Variants in TMEM132D observed in about 807,000 individuals in gnomAD.
The protein encoded by TMEM132D is transmembrane protein 132D, also known as mature OL transmembrane protein.
In TMEM132D, 21 loss-of-function variants were observed where a neutral mutation model predicts 62.3. That is an observed-to-expected ratio of 0.34 (90% CI 0.24 to 0.49). The LOEUF (loss-of-function observed/expected upper bound fraction) is 0.49, where lower values mean the gene tolerates loss of function less well. Among genes scored for constraint, TMEM132D ranks in the 20% least tolerant of loss-of-function variants. The pLI is 0.99. For synonymous variants in TMEM132D, 621 were observed against 575.6 expected (o/e 1.08, Z -1.13); for missense variants, 1,346 against 1,402.8 (o/e 0.96, Z 0.65).
chr12:129,592,625 C>A (rs1012770080), intron 2 of TMEM132D, among the ~76,000 whole-genome samples: 1 of 152,122 alleles, frequency 6.6e-6, no homozygotes, highest in Non-Finnish European at 1.5e-5. Flanking sequence ...GTACATGTGC[C>A]CAATAAAATT....
Position 129,347,058 on chromosome 12 carries a change from G to A in TMEM132D, c.1116-9241C>T, listed in dbSNP as rs185847575. ...AACTACTGCACAAGGAAATAAGAGA[G>A]GACACAAACAAATGGAAAAACATTC... On this transcript the variant is annotated intron_variant, in intron 3 of 8. Coordinates refer to ENST00000422113, the MANE Select transcript of TMEM132D (RefSeq NM_133448.3). Among the ~76,000 whole-genome samples, 343 of 152,162 alleles carry A rather than the reference G, an allele frequency of 2.3e-3. 2 individuals carry two copies. Among genetic ancestry groups the A allele is most frequent in the South Asian group, 0.014 (67 of 4,816 alleles).
At chr12:129,341,410 CT>C (rs1407302596) in intron 3 of TMEM132D, among the ~76,000 whole-genome samples, 2 of 152,114 alleles carry the variant, frequency 1.3e-5, no homozygotes, top group African/African-American at 4.8e-5. Flanking sequence ...CCTGGAGGAA[CT>C]TTACAAATAA....
chr12:129,620,794 G>A lies in TMEM132D; in HGVS notation c.968+79016C>T, dbSNP rs189220346. The stretch of plus-strand genomic sequence containing the variant: ...GATGAGAACAGATGGACACATGGGG[G>A]AGAAAAACACACACTGGGGCCCTCT... On this transcript the variant is annotated intron_variant, in intron 2 of 8. Coordinates refer to ENST00000422113, the MANE Select transcript of TMEM132D (RefSeq NM_133448.3). 4.8e-3 allele frequency among the ~76,000 whole-genome samples: 729 copies of A among 152,028 alleles called. 2 individuals carry two copies. Among genetic ancestry groups the A allele is most frequent in the Non-Finnish European group, 7.3e-3 (496 of 68,024 alleles).
chr12:129,652,660 T>C (rs1190751268), intron 2 of TMEM132D, among the ~76,000 whole-genome samples: 1 of 152,170 alleles, frequency 6.6e-6, no homozygotes, highest in Non-Finnish European at 1.5e-5. Context: ...GAATGCAAAC[T>C]CTTCCCTAGA....
chr12:129,715,417 G>A (rs184256342), intron 1 of TMEM132D, among the ~76,000 whole-genome samples: 1 of 152,328 alleles, frequency 6.6e-6, no homozygotes, highest in Admixed American at 6.5e-5. Context: ...TTTACCAGGA[G>A]AGAATGAAGG....
intron 3 of TMEM132D, among the ~76,000 whole-genome samples, chr12:129,494,757 A>C (rs902890): frequency 0.57 from 85,833 of 151,874 alleles, 25,133 homozygotes; most frequent in African/African-American, 0.73. Context: ...ATCGGAAGTC[A>C]TCATCCTGGC....
chr12:129,321,720 A>T (rs55668132), intron 4 of TMEM132D, among the ~76,000 whole-genome samples: 1 of 152,018 alleles, frequency 6.6e-6, no homozygotes, highest in Admixed American at 6.5e-5. Flanking sequence ...CACCACGCCC[A>T]GCTAATTTTT....
In TMEM132D at chr12:129,640,902, T is replaced by A. The variant is rs149388607; in HGVS notation, c.968+58908A>T. Among the ~76,000 whole-genome samples, 11 of 152,090 alleles carry A rather than the reference T, an allele frequency of 7.2e-5. No individual in the cohort carries two copies. In the East Asian group the frequency reaches 2.1e-3, roughly 29 times the overall value. ...TGCCAACCCTACTGTGAACTGTGCA[T>A]GCGAGGGATCTAGGTTGCACGCTCC... On this transcript the variant is annotated intron_variant, in intron 2 of 8. Transcript: ENST00000422113.
rs548791323 is a variant in TMEM132D at position 129,120,346 on chromosome 12, A to G, written c.1444-35644T>C. ...TGGTGTCAGATTAATACCATCATCA[A>G]GTGATCCAAGCTAATCTCACCAATA... is the stretch of plus-strand genomic sequence containing the variant. On this transcript the variant is annotated intron_variant, in intron 5 of 8. Coordinates refer to ENST00000422113, the MANE Select transcript of TMEM132D (RefSeq NM_133448.3). 2.6e-5 allele frequency among the ~76,000 whole-genome samples: 4 copies of G among 152,312 alleles called. No homozygotes were observed. In the East Asian group the frequency reaches 7.7e-4, roughly 29 times the overall value.
chr12:129,414,683 G>C (rs1007330940), intron 3 of TMEM132D, among the ~76,000 whole-genome samples: 1 of 152,112 alleles, frequency 6.6e-6, no homozygotes, highest in Admixed American at 6.6e-5. Context: ...TCCTCTCTTA[G>C]CATATTTTAA....
chr12:129,811,929 C>G (rs1872199550), intron 1 of TMEM132D, among the ~76,000 whole-genome samples: 1 of 151,730 alleles, frequency 6.6e-6, no homozygotes, highest in Admixed American at 6.6e-5. Flanking sequence ...TCCTCCAGAG[C>G]CCACAGCTCA....
chr12:129,423,216 C>T (rs1872382021), intron 3 of TMEM132D, among the ~76,000 whole-genome samples: 1 of 152,124 alleles, frequency 6.6e-6, no homozygotes, highest in Non-Finnish European at 1.5e-5. Context: ...ACATGTCTGA[C>T]ATTTTAAGTC....
intron 3 of TMEM132D, among the ~76,000 whole-genome samples, chr12:129,480,244 G>A (rs912961554): frequency 6.6e-6 from 1 of 152,242 alleles, no homozygotes; most frequent in Non-Finnish European, 1.5e-5. Flanking sequence ...GGTGCAGGGG[G>A]TGCAGAGGGC....
intron 2 of TMEM132D, among the ~76,000 whole-genome samples, chr12:129,623,744 TACACATATATATAC>T (rs1482566117): frequency 4.9e-5 from 6 of 123,458 alleles, no homozygotes; most frequent in East Asian, 4.4e-4. Context: ...TACATATATA[TACACATATATATAC>T]ACACATATAT....
chr12:129,824,085 G>T (rs5012151), intron 1 of TMEM132D, among the ~76,000 whole-genome samples: 49,914 of 151,866 alleles, frequency 0.33, 8,348 homozygotes, highest in African/African-American at 0.37. Context: ...CACAGAGCGC[G>T]GTGTCCAAGG....
intron 3 of TMEM132D, among the ~76,000 whole-genome samples, chr12:129,433,805 G>T (rs370772493): frequency 6.6e-6 from 1 of 152,210 alleles, no homozygotes; most frequent in African/African-American, 2.4e-5. Context: ...GACACACGGA[G>T]ATGGAGTTCC....
At chr12:129,218,005 C>T (rs1359418096) in intron 4 of TMEM132D, among the ~76,000 whole-genome samples, 1 of 152,116 alleles carries the variant, frequency 6.6e-6, no homozygotes, top group South Asian at 2.1e-4. Flanking sequence ...GAGCTAGGAC[C>T]AGCAGCCTCT....
intron 3 of TMEM132D, among the ~76,000 whole-genome samples, chr12:129,412,397 C>G (rs1003989692): frequency 2.6e-5 from 4 of 152,152 alleles, no homozygotes; most frequent in African/African-American, 9.7e-5. Flanking sequence ...TTAAGAAAAG[C>G]AAACAACAAG....
intron 1 of TMEM132D, among the ~76,000 whole-genome samples, chr12:129,873,123 G>GC: frequency 6.6e-6 from 1 of 152,234 alleles, no homozygotes; most frequent in African/African-American, 2.4e-5. Context: ...AAATTCTTGC[G>GC]CCCCAATTAT....
Sources: gnomAD v4.1 joint callset for allele counts (sites outside exome capture counted in the v4.1 genomes callset) on GRCh38, gnomAD v4.1.1 for gene constraint, MANE v1.5 for transcripts, NCBI Gene and HGNC (gene_info 2026-07-23, HGNC 2026-07-21) for gene names.